DIAPH2: variants seen among roughly 807,000 people sequenced by gnomAD.
DIAPH2 encodes diaphanous related formin 2.
Under a neutral mutation model 92.7 loss-of-function variants are expected in DIAPH2, and 35 were observed. That is an observed-to-expected ratio of 0.38 (90% CI 0.29 to 0.50). DIAPH2 has a LOEUF of 0.50. DIAPH2 is among the 20% of genes least tolerant of loss of function. The probability of loss-of-function intolerance (pLI) is 0.94; values close to 1 mark genes in which losing one functional copy is unlikely to be tolerated. For missense variants in DIAPH2, 701 were observed against 819.5 expected, an observed-to-expected ratio of 0.86 and a Z score of 1.77; for synonymous variants, 301 against 280.4, an observed-to-expected ratio of 1.07 and a Z score of -0.73.
chrX:97,234,439 A>T (rs2068033252), intron 22 of DIAPH2, among the ~76,000 whole-genome samples: 1 of 110,555 alleles, frequency 9.0e-6, no homozygotes, highest in South Asian at 3.9e-4. Context: ...AGAGATCTGG[A>T]CTAGGAAATT....
At chrX:97,044,368 C>T (rs1319244050) in intron 17 of DIAPH2, among the ~76,000 whole-genome samples, 1 of 110,522 alleles carries the variant, frequency 9.0e-6, no homozygotes, top group African/African-American at 3.3e-5. Flanking sequence ...TCTTTCATGC[C>T]TCACCTCTAA....
intron 4 of DIAPH2, among the ~76,000 whole-genome samples, chrX:96,778,585 C>T (rs6615861): frequency 0.1 from 11,029 of 110,025 alleles, 529 homozygotes; most frequent in East Asian, 0.32. Context: ...ATATAGAGCC[C>T]GTATTCAAAT....
chrX:97,220,868 T>A (rs921011411), intron 22 of DIAPH2, among the ~76,000 whole-genome samples: 1 of 111,822 alleles, frequency 8.9e-6, no homozygotes, highest in Non-Finnish European at 1.9e-5. Flanking sequence ...AATTAATCTA[T>A]GGAAATGTAA....
intron 22 of DIAPH2, among the ~76,000 whole-genome samples, chrX:97,145,304 A>AGTAGTAGTAGTAGTAGTAGTAGTAGTG (rs2067238179): frequency 1.9e-5 from 2 of 105,497 alleles, no homozygotes; most frequent in African/African-American, 3.4e-5. Flanking sequence ...TAGTAGTAGT[A>AGTAGTAGTAGTAGTAGTAGTAGTAGTG]GTAGTAGTAG....
chrX:97,320,998 G>T (rs1431793191), intron 23 of DIAPH2, among the ~76,000 whole-genome samples: 1 of 111,694 alleles, frequency 9.0e-6, no homozygotes, highest in African/African-American at 3.2e-5. Context: ...AGTCCACTAT[G>T]GTTGTCAGTT....
intron 17 of DIAPH2, among the ~76,000 whole-genome samples, chrX:96,973,724 T>G (rs2065942766): frequency 1.1e-5 from 1 of 94,686 alleles, no homozygotes; most frequent in Admixed American, 1.2e-4. Flanking sequence ...AGATAGAGTT[T>G]CGCTCTTGTT....
At chrX:97,471,436 A>G (rs1280538818) in intron 26 of DIAPH2, among the ~76,000 whole-genome samples, 1 of 111,508 alleles carries the variant, frequency 9.0e-6, no homozygotes. Flanking sequence ...CACGCCTGTA[A>G]TCCCAACACT....
At chrX:96,909,379 G>T (rs1420189850) in intron 5 of DIAPH2, among the ~76,000 whole-genome samples, 1 of 110,624 alleles carries the variant, frequency 9.0e-6, no homozygotes, top group Non-Finnish European at 1.9e-5. Flanking sequence ...GAGAAAGGGA[G>T]GCTGGGGGAG....
chrX:97,021,201 T>C (rs745510712), intron 17 of DIAPH2, among the ~76,000 whole-genome samples: 2 of 111,362 alleles, frequency 1.8e-5, no homozygotes, highest in South Asian at 3.9e-4. Context: ...AGAAAGACTT[T>C]TTTTTTTCCT....
intron 24 of DIAPH2, among the ~76,000 whole-genome samples, chrX:97,376,620 A>T (rs945509573): frequency 8.0e-5 from 9 of 112,166 alleles, no homozygotes; most frequent in African/African-American, 2.9e-4. Flanking sequence ...TGTGCCAGGC[A>T]CTGTTATTAA....
intron 11 of DIAPH2, among the ~76,000 whole-genome samples, chrX:96,938,089 C>A (rs1264709013): frequency 3.6e-5 from 4 of 110,887 alleles, no homozygotes; most frequent in Non-Finnish European, 7.6e-5. Flanking sequence ...TGCTTGCCCC[C>A]ACTCCCCAAA....
At position 97,341,429 on chromosome X, in the gene DIAPH2, T is replaced by C. The variant is rs565689695; in HGVS notation, c.2845-6687T>C. 5.4e-5 allele frequency: 6 copies of C among 110,631 alleles called. No individual in the cohort carries two copies. The South Asian group carries it at 1.6e-3, about 29-fold the overall frequency. 9.1% of individuals were successfully genotyped at this position (110,631 alleles called of 1,213,427 possible). A position where few individuals can be genotyped will look rare whatever the true frequency, so the allele number is the denominator to read the frequency against. On this transcript the variant is annotated intron_variant, in intron 23 of 26. Transcript: ENST00000324765. ...TATAGGAGATAAACAAAATGGCCAG[T>C]TTTAAATTTTATCTATTGTATTAGG...
chrX:97,378,154 G>A (rs759840487), intron 24 of DIAPH2, among the ~76,000 whole-genome samples: 4 of 110,055 alleles, frequency 3.6e-5, no homozygotes, highest in South Asian at 3.9e-4. Context: ...AGGCCAAGGC[G>A]GGCGGATCAC....
At position 97,239,834 on chromosome X, in the gene DIAPH2, A is replaced by ATCTC. The variant is rs370959933; in HGVS notation, c.2720-7859_2720-7856dup. On this transcript the variant is annotated intron_variant, in intron 22 of 26. Coordinates refer to ENST00000324765, the MANE Select transcript of DIAPH2 (RefSeq NM_006729.5). The stretch of plus-strand genomic sequence containing the variant: ...CATCACCCTGCAACCTCTAGTAAAA[A>ATCTC]TCTCTCTCTCTCTCTCTCTCTCTCT... Among the ~76,000 whole-genome samples the ATCTC allele has an allele frequency of 3.7e-3, 362 of 97,899 alleles. 1 individual carries two copies. The highest frequency in any genetic ancestry group is 5.5e-3 in the East Asian group (16 of 2,924). 85.0% of individuals were successfully genotyped at this position (97,899 alleles called of 115,157 possible).
At chrX:96,942,826 G>A (rs2147804765) in intron 13 of DIAPH2, among the ~76,000 whole-genome samples, 1 of 109,702 alleles carries the variant, frequency 9.1e-6, no homozygotes, top group African/African-American at 3.3e-5. Context: ...TACTTAATTG[G>A]AATCACTATT....
chrX:97,532,432 A>G (rs1250355821), intron 26 of DIAPH2, among the ~76,000 whole-genome samples: 1 of 112,686 alleles, frequency 8.9e-6, no homozygotes, highest in African/African-American at 3.2e-5. Flanking sequence ...CTTAAGTGTC[A>G]CTAAATCTGA....
At chrX:97,480,958 A>C (rs2147816078) in intron 26 of DIAPH2, among the ~76,000 whole-genome samples, 1 of 112,277 alleles carries the variant, frequency 8.9e-6, no homozygotes, top group Non-Finnish European at 1.9e-5. Context: ...TGTGTAAATC[A>C]ATTTAAGCTG....
chrX:97,090,445 C>T (rs1003316236), intron 19 of DIAPH2, among the ~76,000 whole-genome samples: 11 of 108,802 alleles, frequency 1.0e-4, no homozygotes, highest in Admixed American at 2.0e-4. Flanking sequence ...CAGGGCTCAC[C>T]GCCTCTCCAG....
intron 21 of DIAPH2, among the ~76,000 whole-genome samples, chrX:97,128,167 T>G (rs2067106332): frequency 8.9e-6 from 1 of 111,822 alleles, no homozygotes; most frequent in African/African-American, 3.3e-5. Flanking sequence ...GGGCTGCTGG[T>G]TGCCCATTTT....
Sources: allele counts gnomAD v4.1 joint callset (sites outside exome capture counted in the v4.1 genomes callset), GRCh38; gene constraint gnomAD v4.1.1; transcripts MANE v1.5; gene names NCBI Gene and HGNC (gene_info 2026-07-23, HGNC 2026-07-21).